Variants in HCFC1 observed in about 807,000 individuals in gnomAD.
HCFC1 encodes host cell factor C1.
HCFC1 carries 7 observed loss-of-function variants against 105.5 expected under a neutral mutation model. That is an observed-to-expected ratio of 0.07 (90% CI 0.04 to 0.12). The LOEUF is 0.12. Among genes scored for constraint, HCFC1 ranks in the 10% least tolerant of loss-of-function variants. The pLI, the probability that HCFC1 is intolerant of heterozygous loss-of-function variation, is 1.00. For synonymous variants in HCFC1, 918 were observed against 828.1 expected (o/e 1.11, Z -1.86); for missense variants, 1,065 against 1,823.6 (o/e 0.58, Z 7.58).
In HCFC1 at chrX:153,956,347, G is replaced by A; in HGVS notation, c.2700C>T (p.His900=). ...GCGTGGCCAGGGAAGCACTAGTGCTGTGGCCCCCCGCCCCGGCAAGGCTGG... is the reference window on the plus strand; with the variant it reads ...GCGTGGCCAGGGAAGCACTAGTGCTATGGCCCCCCGCCCCGGCAAGGCTGG... ...VSTSLAGAGG[H]STSASLATPI... is the part of the protein sequence containing the mutation. Residue 900 remains histidine (H), a synonymous_variant, in exon 16 of 26, where the codon CAC becomes CAT. Transcript: ENST00000310441. 1.6e-6 allele frequency: 2 copies of A among 1,212,184 alleles called. No homozygotes were observed. Among genetic ancestry groups the A allele is most frequent in the Non-Finnish European group, 1.1e-6 (1 of 895,513 alleles).
chrX:153,951,581 C>G lies in HCFC1; in HGVS notation c.5379+8G>C. 2 of 1,207,842 alleles carry G rather than the reference C, an allele frequency of 1.7e-6. No individual in the cohort carries two copies. The highest frequency in any genetic ancestry group is 3.0e-5 in the East Asian group (1 of 33,826). On this transcript the variant is annotated splice_region_variant and intron_variant, in intron 21 of 25. Transcript: ENST00000310441. ...ACGGACTCAGGAGCCCCAACACACC[C>G]GACTCACCACACCCAGGGACTCGAT... is the stretch of plus-strand genomic sequence containing the variant.
intron 4 of HCFC1, among the ~76,000 whole-genome samples, chrX:153,962,595 CG>C (rs1354065000): frequency 1.8e-5 from 2 of 112,280 alleles, no homozygotes; most frequent in African/African-American, 3.2e-5. Flanking sequence ...GGGCACACCC[CG>C]AACTCTCCAT....
chrX:153,963,477 C>T, intron 3 of HCFC1, 44 bp from the exon 4 acceptor site: 7 of 982,567 alleles, frequency 7.1e-6, no homozygotes, highest in Non-Finnish European at 7.2e-6. Flanking sequence ...ACTCCTCACG[C>T]CAGAGGCTTC....
Position 153,958,204 on chromosome X carries a change from C to G in HCFC1, c.1849G>C (p.Val617Leu). 8.3e-7 allele frequency: 1 copy of G among 1,211,986 alleles called. No individual in the cohort carries two copies. Among genetic ancestry groups the G allele is most frequent in the Non-Finnish European group, 1.1e-6 (1 of 895,341 alleles). Residue 617 changes from valine to leucine, a missense_variant, in exon 11 of 26, where the codon GTG becomes CTG. By Grantham distance (32) the Val-to-Leu change is conservative (BLOSUM62 1). Around this residue, in one of 17 missense-constraint regions of HCFC1, gnomAD observed 137 missense variants for 378.2 expected, o/e 0.36. Transcript: ENST00000310441. The part of the protein sequence containing the change: ...TRMLKTAAAQ[V>L]GTSVSSATNT... The stretch of plus-strand genomic sequence containing the variant: ...GTGGCGGAGGAAACCGATGTCCCCA[C>G]CTGGGCGGCTGCAGTCTTCAGCATG...
At position 153,959,833 on chromosome X, in the gene HCFC1, G is replaced by A. The variant is rs1446692516; in HGVS notation, c.1413C>T (p.Ser471=). ...IQVLPTVPGS[S]ISVPTAARTQ... ...TCCTGGCTGCGGTGGGCACAGAAAT[G>A]GAGCTGCCAGGCACCGTTGGCAAGA... Residue 471 remains serine, a synonymous_variant, in exon 8 of 26, where the codon TCC becomes TCT. Coordinates refer to ENST00000310441, the MANE Select transcript of HCFC1 (RefSeq NM_005334.3). The A allele has an allele frequency of 9.3e-6, 11 of 1,177,134 alleles. No homozygotes were observed. The highest frequency in any genetic ancestry group is 1.3e-5 in the Non-Finnish European group (11 of 876,834).
chrX:153,954,966 C>G lies in HCFC1; in HGVS notation c.3433G>C (p.Ala1145Pro), dbSNP rs1557114227. ...GTGGCCACACTGATCCGGATCACGG[C>G]AGGGGTGCCAGCTGCACAGGCCCGA... ...ARRACAAGTP[A>P]VIRISVATGA... is the part of the protein sequence containing the mutation. Residue 1145 changes from alanine to proline, a missense_variant, in exon 17 of 26, where the codon GCC becomes CCC. Physicochemically the swap from Ala to Pro is conservative, Grantham distance 27. Around this residue, in one of 17 missense-constraint regions of HCFC1, gnomAD observed 546 missense variants for 599.9 expected, o/e 0.91. Coordinates refer to ENST00000310441, the MANE Select transcript of HCFC1 (RefSeq NM_005334.3). The G allele has an allele frequency of 3.3e-6, 4 of 1,201,821 alleles. No homozygotes were observed. The highest frequency in any genetic ancestry group is 4.5e-6 in the Non-Finnish European group (4 of 891,828).
intron 13 of HCFC1, 101 bp from the exon 14 acceptor site, chrX:153,957,161 G>A (rs1557115279): frequency 4.9e-6 from 5 of 1,021,653 alleles, no homozygotes; most frequent in African/African-American, 3.8e-5. Flanking sequence ...CCATAGCCCT[G>A]CCCATCTCCT....
At chrX:153,955,843 T>C (rs781981655) in intron 16 of HCFC1, among the ~76,000 whole-genome samples, 2 of 112,937 alleles carry the variant, frequency 1.8e-5, no homozygotes, top group African/African-American at 6.4e-5. Flanking sequence ...TCCCCCTCAA[T>C]GCTCAAAGGC....
In HCFC1 at chrX:153,950,974, A is replaced by G. The variant is rs782598052; in HGVS notation, c.5542T>C (p.Tyr1848His). The change falls in exon 23 of 26, where the codon TAT (tyrosine) becomes CAT (histidine). Residue 1848 changes from tyrosine (Y) to histidine (H), a missense_variant. By Grantham distance (83) the Tyr-to-His change is moderately conservative. Coordinates refer to ENST00000310441, the MANE Select transcript of HCFC1 (RefSeq NM_005334.3). The part of the protein sequence containing the change: ...SDDDLGTVPD[Y>H]NQLKKQELQP... ...AGCTCCTGCTTCTTCAGCTGGTTATAGTCAGGGACGGTGCCCAAATCATCC... is the reference window on the plus strand; with the variant it reads ...AGCTCCTGCTTCTTCAGCTGGTTATGGTCAGGGACGGTGCCCAAATCATCC... 23 of 1,209,429 alleles carry G rather than the reference A, an allele frequency of 1.9e-5. No individual in the cohort carries two copies. Among genetic ancestry groups the G allele is most frequent in the East Asian group, 3.0e-5 (1 of 33,793 alleles).
chrX:153,959,387 T>G lies in HCFC1; in HGVS notation c.1549A>C (p.Thr517Pro), dbSNP rs1557116064. Reference protein sequence around the residue: ...SQAGKAPVTVTSLPAGVRMVV... With the variant: ...SQAGKAPVTVPSLPAGVRMVV... The stretch of plus-strand genomic sequence containing the variant: ...ATCCGCACTCCGGCGGGAAGGGAGG[T>G]CACGGTGACAGGGGCTTTCCCAGCC... The change falls in exon 9 of 26, where the codon ACC (threonine) becomes CCC (proline). Residue 517 changes from threonine to proline, a missense_variant. Around this residue, in one of 17 missense-constraint regions of HCFC1, gnomAD observed 101 missense variants for 155.1 expected, o/e 0.65. Coordinates refer to ENST00000310441, the MANE Select transcript of HCFC1 (RefSeq NM_005334.3). The G allele has an allele frequency of 8.3e-7, 1 of 1,211,021 alleles. No homozygotes were observed. Among genetic ancestry groups the G allele is most frequent in the Admixed American group, 2.2e-5 (1 of 45,946 alleles).
intron 19 of HCFC1, 102 bp from the exon 20 acceptor site, chrX:153,952,260 C>T (rs782330889): frequency 9.4e-7 from 1 of 1,068,127 alleles, no homozygotes; most frequent in Admixed American, 4.1e-5. Flanking sequence ...CCCCGTCCAC[C>T]TCCTACCGTG....
Position 153,954,542 on chromosome X carries a change from G to A in HCFC1, c.3857C>T (p.Thr1286Ile). 8.3e-7 allele frequency: 1 copy of A among 1,211,255 alleles called. No individual in the cohort carries two copies. Among genetic ancestry groups the A allele is most frequent in the Non-Finnish European group, 1.1e-6 (1 of 895,130 alleles). The change falls in exon 17 of 26, where the codon ACC (threonine) becomes ATC (isoleucine). Residue 1286 changes from threonine to isoleucine, a missense_variant. Transcript: ENST00000310441. ...ACATGGTGGGTTGGAGCAGACTTGG[G>A]TCACGGTGGCCGAGGGGCACAGCAG... The part of the protein sequence containing the change: ...EALLCPSATV[T>I]QVCSNPPCET...
In HCFC1 at chrX:153,963,421, G is replaced by A; in HGVS notation, c.516C>T (p.Asp172=). 1.7e-6 allele frequency: 2 copies of A among 1,201,970 alleles called. No homozygotes were observed. Among genetic ancestry groups the A allele is most frequent in the Non-Finnish European group, 2.3e-6 (2 of 886,638 alleles). Residue 172 remains aspartate (D), a synonymous_variant, in exon 4 of 26, where the codon GAC becomes GAT. Transcript: ENST00000310441. ...PKNNIPRYLN[D]LYILELRPGS... ...CTGGCCGTAATTCCAGGATATATAA[G>A]TCATTCAGGTACCTGACGAGGAAAG...
intron 24 of HCFC1, 132 bp downstream of exon 24, chrX:153,950,111 G>A (rs1305019974): frequency 1.2e-4 from 82 of 682,961 alleles, no homozygotes; most frequent in Non-Finnish European, 1.6e-4. Context: ...CCCGTGGGGG[G>A]CTGTGTGCGC....
In HCFC1 at chrX:153,950,394, C is replaced by T. The variant is rs2065299160; in HGVS notation, c.5853G>A (p.Val1951=). 2 of 1,210,736 alleles carry T rather than the reference C, an allele frequency of 1.7e-6. No individual in the cohort carries two copies. Among genetic ancestry groups the T allele is most frequent in the Non-Finnish European group, 2.2e-6 (2 of 895,091 alleles). Residue 1951 remains valine, a synonymous_variant, in exon 24 of 26, where the codon GTG becomes GTA. Coordinates refer to ENST00000310441, the MANE Select transcript of HCFC1 (RefSeq NM_005334.3). ...GGCAGGAGGGGCTGGGCCCGCAGTA[C>T]ACCCGCATGAAGGCCAGCTGGGCCG... ...STPAQLAFMR[V]YCGPSPSCLV...
intron 1 of HCFC1, among the ~76,000 whole-genome samples, chrX:153,967,876 C>T (rs782044813): frequency 9.0e-6 from 1 of 111,459 alleles, no homozygotes; most frequent in East Asian, 2.8e-4. Flanking sequence ...CTGCCCAACG[C>T]AATGAACAAT....
chrX:153,965,574 T>C (rs1249654456), intron 1 of HCFC1, among the ~76,000 whole-genome samples: 1 of 112,283 alleles, frequency 8.9e-6, no homozygotes, highest in East Asian at 2.8e-4. Context: ...CCACACTCTT[T>C]CCAGAAACCC....
chrX:153,957,501 C>T lies in HCFC1; in HGVS notation c.2166G>A (p.Leu722=). The change falls in exon 13 of 26, where the codon CTG becomes CTA. Residue 722 remains leucine, a synonymous_variant. Coordinates refer to ENST00000310441, the MANE Select transcript of HCFC1 (RefSeq NM_005334.3). ...TKGPLPAGTI[L]KLVTSADGKP... ...TGCCATCTGCTGAGGTCACCAGCTT[C>T]AGGATTGTTCCCGCTGGCAGGGGCC... 1 of 1,207,623 alleles carries T rather than the reference C, an allele frequency of 8.3e-7. No individual in the cohort carries two copies. The highest frequency in any genetic ancestry group is 1.7e-5 in the African/African-American group (1 of 57,755).
Position 153,952,040 on chromosome X carries a change from T to C in HCFC1, c.5061A>G (p.Thr1687=). ...GQATTIPIVL[T]QQELAALVQQ... ...GCACCAGGGCAGCCAGCTCCTGCTGTGTCAGCACAATGGGTATGGTGGTGG... is the reference window on the plus strand; with the variant it reads ...GCACCAGGGCAGCCAGCTCCTGCTGCGTCAGCACAATGGGTATGGTGGTGG... Residue 1687 remains threonine (T), a synonymous_variant, in exon 20 of 26, where the codon ACA becomes ACG. Transcript: ENST00000310441. 1 of 1,195,022 alleles carries C rather than the reference T, an allele frequency of 8.4e-7. No homozygotes were observed. The highest frequency in any genetic ancestry group is 1.1e-6 in the Non-Finnish European group (1 of 887,740).
Sources: allele counts gnomAD v4.1 joint callset (sites outside exome capture counted in the v4.1 genomes callset), GRCh38; gene constraint gnomAD v4.1.1; regional missense constraint gnomAD v4.1.1; transcripts MANE v1.5; gene names NCBI Gene and HGNC (gene_info 2026-07-23, HGNC 2026-07-21).